Variants in STK32A observed in about 807,000 individuals in gnomAD.
STK32A encodes the protein serine/threonine-protein kinase 32A.
STK32A carries 41 observed loss-of-function variants against 53.2 expected under a neutral mutation model. The observed-to-expected ratio is 0.77, with a 90% CI of 0.60 to 1.00. STK32A has a LOEUF of 1.00. Among genes scored for constraint, STK32A ranks in the 50% least tolerant of loss-of-function variants. The probability of loss-of-function intolerance (pLI) is 0.00; values close to 1 mark genes in which losing one functional copy is unlikely to be tolerated. For synonymous variants in STK32A, 166 were observed against 162.8 expected (o/e 1.02, Z -0.15); for missense variants, 458 against 485.8 (o/e 0.94, Z 0.54).
chr5:147,279,226 C>A, intron 3 of STK32A, 21 bp from the exon 4 acceptor site: 1 of 1,595,166 alleles, frequency 6.3e-7, no homozygotes, highest in Non-Finnish European at 8.6e-7. Flanking sequence ...ATCACTCTCT[C>A]ACTCGGGTTT....
chr5:147,397,845 C>T, the STK32A span: 1 of 1,599,416 alleles, frequency 6.3e-7, no homozygotes, highest in Non-Finnish European at 8.5e-7. Context: ...TACTCTGCCG[C>T]CTAGAGGCAG....
At chr5:147,254,910 T>C (rs1051947440) in intron 2 of STK32A, among the ~76,000 whole-genome samples, 3 of 152,006 alleles carry the variant, frequency 2.0e-5, no homozygotes, top group South Asian at 2.1e-4. Flanking sequence ...GAGGCAGAGG[T>C]GGGCGGATCA....
chr5:147,241,510 A>C (rs534167696), intron 2 of STK32A, among the ~76,000 whole-genome samples: 11 of 152,044 alleles, frequency 7.2e-5, no homozygotes, highest in African/African-American at 2.4e-4. Flanking sequence ...AAACAAAAAA[A>C]CCCAAAATAT....
intron 2 of STK32A, among the ~76,000 whole-genome samples, chr5:147,261,159 C>T (rs926850355): frequency 6.6e-6 from 1 of 152,094 alleles, no homozygotes; most frequent in Non-Finnish European, 1.5e-5. Context: ...CAGAGACCAC[C>T]CCCAGAGGGG....
intron 10 of STK32A, among the ~76,000 whole-genome samples, chr5:147,374,887 G>C (rs560850950): frequency 1.3e-5 from 2 of 152,096 alleles, no homozygotes; most frequent in Non-Finnish European, 1.5e-5. Context: ...ACTCATTGAG[G>C]CCTAATTGAG....
intron 5 of STK32A, among the ~76,000 whole-genome samples, chr5:147,326,614 A>G (rs1401316607): frequency 1.3e-5 from 2 of 152,188 alleles, no homozygotes; most frequent in African/African-American, 2.4e-5. Flanking sequence ...TGAAAAAAAT[A>G]TGAGCCACAT....
intron 10 of STK32A, among the ~76,000 whole-genome samples, chr5:147,374,696 C>T (rs1352108808): frequency 6.6e-6 from 1 of 152,158 alleles, no homozygotes; most frequent in Non-Finnish European, 1.5e-5. Context: ...CATTAAAGTG[C>T]AAGTTCTTGG....
chr5:147,380,472 T>TAA (rs545950130), intron 11 of STK32A, among the ~76,000 whole-genome samples: 1 of 146,938 alleles, frequency 6.8e-6, no homozygotes, highest in Non-Finnish European at 1.5e-5. Context: ...ATTCCTAGGT[T>TAA]AAAAAAAAAT....
chr5:147,326,677 T>C (rs1463883562), intron 5 of STK32A, among the ~76,000 whole-genome samples: 1 of 152,188 alleles, frequency 6.6e-6, no homozygotes, highest in African/African-American at 2.4e-5. Context: ...TATTCAAATA[T>C]AGGACATTAA....
chr5:147,251,771 G>A (rs908412463), intron 2 of STK32A, among the ~76,000 whole-genome samples: 1 of 87,234 alleles, frequency 1.1e-5, no homozygotes, highest in Non-Finnish European at 2.6e-5. Context: ...TGAAGTATTG[G>A]GGGGTTCCAT....
chr5:147,330,878 G>A (rs143402654), intron 5 of STK32A, among the ~76,000 whole-genome samples: 229 of 152,308 alleles, frequency 1.5e-3, no homozygotes, highest in African/African-American at 5.3e-3. Flanking sequence ...TTGCAATTCG[G>A]TTGTGGGTCA....
intron 5 of STK32A, among the ~76,000 whole-genome samples, chr5:147,332,047 G>A (rs1371755658): frequency 2.6e-5 from 4 of 152,200 alleles, no homozygotes; most frequent in African/African-American, 9.6e-5. Flanking sequence ...AATGAATGTA[G>A]TAAATATGTT....
rs1757577919 is a variant in STK32A at position 147,384,586 on chromosome 5, A to C, written c.*603A>C. ...ATTAGATCCGCTTATCTCAGCTGGC[A>C]GGAGCCTGCTGTGCACACCACTTCC... is the stretch of plus-strand genomic sequence containing the variant. On this transcript the variant is annotated 3_prime_UTR_variant, in exon 13 of 13. Coordinates refer to ENST00000397936, the MANE Select transcript of STK32A (RefSeq NM_001112724.2). The C allele has an allele frequency of 1.7e-6, 1 of 604,082 alleles. No homozygotes were observed. The highest frequency in any genetic ancestry group is 2.8e-6 in the Non-Finnish European group (1 of 359,786). The allele number at this position is 604,082 out of a possible 1,614,324, so 37.4% of individuals were successfully genotyped here.
At chr5:147,399,169 C>T in the STK32A span, 34 of 1,614,128 alleles carry the variant, frequency 2.1e-5, no homozygotes, top group Non-Finnish European at 2.5e-5. Context: ...ATATTCTTCC[C>T]TTGCGGGGAT....
intron 2 of STK32A, among the ~76,000 whole-genome samples, chr5:147,265,140 T>TA (rs1231424460): frequency 7.8e-6 from 1 of 128,850 alleles, no homozygotes; most frequent in Non-Finnish European, 1.6e-5. Flanking sequence ...TTTTATATAT[T>TA]TTTATATATA....
Position 147,368,908 on chromosome 5 carries a change from A to G in STK32A, c.661-1746A>G, listed in dbSNP as rs143062657. On this transcript the variant is annotated intron_variant, in intron 8 of 12. Coordinates refer to ENST00000397936, the MANE Select transcript of STK32A (RefSeq NM_001112724.2). ...ACAGTAGGTTGAGAAGCAGCAATGA[A>G]TTAAAATCAAGAAGAAACACAGAAA... 7.2e-4 allele frequency among the ~76,000 whole-genome samples: 109 copies of G among 152,310 alleles called. 1 individual carries two copies. In the South Asian group the frequency reaches 9.3e-3, roughly 13 times the overall value.
intron 7 of STK32A, among the ~76,000 whole-genome samples, chr5:147,356,263 G>C (rs922760813): frequency 6.6e-6 from 1 of 152,160 alleles, no homozygotes; most frequent in Admixed American, 6.5e-5. Flanking sequence ...GTCTGACATT[G>C]CTAAGCTCTT....
rs145274787 is a variant in STK32A at position 147,343,016 on chromosome 5, C to G, written c.445C>G (p.Pro149Ala). ...NQRIIHRDMK[P>A]DNILLDEHGH... ...TTTTTACTCCTCTAGGGATATGAAG[C>G]CTGACAATATTTTACTTGACGAACA... The change falls in exon 6 of 13, where the codon CCT becomes GCT. Residue 149 changes from proline (P) to alanine (A), a missense_variant. Transcript: ENST00000397936. 7.4e-6 allele frequency: 12 copies of G among 1,613,322 alleles called. No homozygotes were observed. The East Asian group carries it at 2.7e-4, about 36-fold the overall frequency.
intron 4 of STK32A, among the ~76,000 whole-genome samples, chr5:147,285,265 A>G (rs1423084647): frequency 6.6e-6 from 1 of 152,186 alleles, no homozygotes; most frequent in Non-Finnish European, 1.5e-5. Flanking sequence ...GGAGAATGAA[A>G]CTGGATCGTC....
Sources: gnomAD v4.1 joint callset for allele counts (sites outside exome capture counted in the v4.1 genomes callset) on GRCh38, gnomAD v4.1.1 for gene constraint, MANE v1.5 for transcripts, NCBI Gene and HGNC (gene_info 2026-07-23, HGNC 2026-07-21) for gene names.